Variants in PDE9A observed in about 807,000 individuals in gnomAD.
PDE9A encodes the protein high affinity cGMP-specific 3',5'-cyclic phosphodiesterase 9A.
A neutral mutation model predicts 87.4 loss-of-function variants in PDE9A; 60 were observed. The ratio of observed to expected loss-of-function variants is 0.69; its 90% CI spans 0.56 to 0.85. The LOEUF (loss-of-function observed/expected upper bound fraction) is 0.85. PDE9A is among the 40% of genes least tolerant of loss of function. PDE9A has a pLI of 0.00. For missense variants in PDE9A, 665 were observed against 779.0 expected (o/e 0.85, Z 1.74); for synonymous variants, 272 against 279.4 (o/e 0.97, Z 0.27).
At chr21:42,681,027 G>A (rs893974718) in intron 1 of PDE9A, among the ~76,000 whole-genome samples, 3 of 152,240 alleles carry the variant, frequency 2.0e-5, no homozygotes, top group Admixed American at 6.5e-5. Flanking sequence ...GTTGAGATTC[G>A]TGGCAACTGA....
At chr21:42,664,563 C>T (rs2269133) in intron 1 of PDE9A, among the ~76,000 whole-genome samples, 19,708 of 152,098 alleles carry the variant, frequency 0.13, 1,443 homozygotes, top group East Asian at 0.31. Context: ...CGCAAGGCCC[C>T]GGTGCCAGCA....
At chr21:42,667,939 AATG>A (rs752189785) in intron 1 of PDE9A, among the ~76,000 whole-genome samples, 4 of 151,708 alleles carry the variant, frequency 2.6e-5, no homozygotes, top group Non-Finnish European at 5.9e-5. Flanking sequence ...CCCACTTGGA[AATG>A]ATGATGATGG....
At chr21:42,701,714 C>T (rs1370805816) in intron 4 of PDE9A, among the ~76,000 whole-genome samples, 1 of 152,166 alleles carries the variant, frequency 6.6e-6, no homozygotes, top group East Asian at 1.9e-4. Context: ...AGCCACCATG[C>T]CCGACTGACA....
At chr21:42,668,745 G>T (rs936662772) in intron 1 of PDE9A, among the ~76,000 whole-genome samples, 2 of 152,196 alleles carry the variant, frequency 1.3e-5, no homozygotes, top group African/African-American at 4.8e-5. Context: ...ATGCCGGCGC[G>T]GGGGAAATGG....
chr21:42,667,648 T>G (rs2058097200), intron 1 of PDE9A, among the ~76,000 whole-genome samples: 1 of 152,094 alleles, frequency 6.6e-6, no homozygotes, highest in Non-Finnish European at 1.5e-5. Context: ...TTTATGCAAG[T>G]TCGGATCACA....
intron 4 of PDE9A, 156 bp from the exon 5 acceptor site, chr21:42,731,614 G>C: frequency 1.4e-6 from 1 of 732,664 alleles, no homozygotes; most frequent in Non-Finnish European, 2.2e-6. Context: ...ACCCAGGCCT[G>C]CCTCCCCCGT....
At chr21:42,689,602 T>C (rs748431859) in intron 3 of PDE9A, 9 of 985,370 alleles carry the variant, frequency 9.1e-6, no homozygotes, top group Non-Finnish European at 9.6e-6. Context: ...TGAAGTCATT[T>C]GAAACAGCGT....
intron 19 of PDE9A, among the ~76,000 whole-genome samples, chr21:42,774,601 G>A (rs893162737): frequency 6.6e-6 from 1 of 152,084 alleles, no homozygotes; most frequent in Admixed American, 6.5e-5. Flanking sequence ...CTGTGTGTCG[G>A]CCGGGCACGG....
intron 1 of PDE9A, among the ~76,000 whole-genome samples, chr21:42,684,360 C>A (rs2059329226): frequency 6.6e-6 from 1 of 152,240 alleles, no homozygotes; most frequent in African/African-American, 2.4e-5. Context: ...ATGGGAACCG[C>A]TTTTTGTCCT....
At chr21:42,657,817 G>C (rs915750197) in intron 1 of PDE9A, among the ~76,000 whole-genome samples, 1 of 152,222 alleles carries the variant, frequency 6.6e-6, no homozygotes, top group Admixed American at 6.5e-5. Flanking sequence ...CGGGACACTC[G>C]CACTGTGCGC....
chr21:42,668,854 G>A (rs966232174), intron 1 of PDE9A, among the ~76,000 whole-genome samples: 1 of 150,580 alleles, frequency 6.6e-6, no homozygotes, highest in Non-Finnish European at 1.5e-5. Context: ...AACATCCTCC[G>A]TCGGGAGAGG....
At chr21:42,769,763 C>T (rs1467757319) in intron 17 of PDE9A, among the ~76,000 whole-genome samples, 1 of 152,120 alleles carries the variant, frequency 6.6e-6, no homozygotes, top group East Asian at 1.9e-4. Flanking sequence ...CAGGTATGCA[C>T]ATGCACGCAC....
intron 1 of PDE9A, among the ~76,000 whole-genome samples, chr21:42,665,726 G>A (rs1484374077): frequency 6.6e-6 from 1 of 152,184 alleles, no homozygotes; most frequent in Admixed American, 6.5e-5. Flanking sequence ...TTGGAGCCCA[G>A]GATCAAGTCA....
chr21:42,698,220 C>T (rs956727816), intron 3 of PDE9A, among the ~76,000 whole-genome samples: 6 of 152,202 alleles, frequency 3.9e-5, no homozygotes, highest in East Asian at 1.9e-4. Context: ...TGATGTCTGC[C>T]GCCCTGTGTC....
intron 7 of PDE9A, among the ~76,000 whole-genome samples, chr21:42,743,186 C>G (rs776194621): frequency 7.2e-5 from 11 of 152,228 alleles, no homozygotes; most frequent in Non-Finnish European, 1.3e-4. Context: ...GCAGTTTCAA[C>G]TCCAGGAATG....
rs13048676 is a variant in PDE9A at position 42,723,700 on chromosome 21, A to G, written c.263-8070A>G. Among the ~76,000 whole-genome samples the G allele has an allele frequency of 1.3e-5, 2 of 152,066 alleles. No individual in the cohort carries two copies. Among genetic ancestry groups the G allele is most frequent in the Non-Finnish European group, 2.9e-5 (2 of 68,018 alleles). On this transcript the variant is annotated intron_variant, in intron 4 of 19. Transcript: ENST00000291539. The surrounding 1 kb of genome is among the most constrained non-coding windows in gnomAD (Gnocchi z 4.3). ...CTGTGAATATCAGCTTGCTCTCCCT[A>G]GGTTTCCATCACATGGATCAGCGAG...
intron 8 of PDE9A, among the ~76,000 whole-genome samples, chr21:42,750,344 A>G (rs1185954191): frequency 6.6e-6 from 1 of 152,182 alleles, no homozygotes; most frequent in Non-Finnish European, 1.5e-5. Context: ...GCGGCCACCC[A>G]TGTGTGTCCA....
chr21:42,687,827 T>C, intron 2 of PDE9A, 90 bp from the exon 3 acceptor site: 2 of 1,125,096 alleles, frequency 1.8e-6, no homozygotes, highest in African/African-American at 1.5e-5. Context: ...CTGTCCTGGT[T>C]GTCTCAGGGC....
rs367715314 is a variant in PDE9A at position 42,765,762 on chromosome 21, C to T, written c.1356+268C>T. 37 of 445,764 alleles carry T rather than the reference C, an allele frequency of 8.3e-5. 1 individual carries two copies. Among genetic ancestry groups the T allele is most frequent in the South Asian group, 5.5e-4 (26 of 47,164 alleles). The allele number at this position is 445,764 out of a possible 1,614,324, so 27.6% of individuals were successfully genotyped here. A position where few individuals can be genotyped will look rare whatever the true frequency, so the allele number is the denominator to read the frequency against. ...TTGAAGGAGATAAGTGGGTGAAGGC[C>T]GTGCATCTCGCTCTGCTTTCCAGAG... On this transcript the variant is annotated intron_variant, in intron 15 of 19. Transcript: ENST00000291539.
Sources: allele counts gnomAD v4.1 joint callset (sites outside exome capture counted in the v4.1 genomes callset), GRCh38; gene constraint gnomAD v4.1.1; non-coding constraint Gnocchi (gnomAD v3.1); transcripts MANE v1.5; gene names NCBI Gene and HGNC (gene_info 2026-07-23, HGNC 2026-07-21).